The following PCDHA5 variants were observed in gnomAD, a reference collection of about 807,000 sequenced individuals.
PCDHA5 encodes protocadherin alpha-5.
In PCDHA5, 43 loss-of-function variants were observed where a neutral mutation model predicts 61.6. The observed-to-expected ratio is 0.70, with a 90% CI of 0.55 to 0.90. The LOEUF (loss-of-function observed/expected upper bound fraction) is 0.90. PCDHA5 is among the 40% of genes least tolerant of loss of function. The pLI is 0.00. For synonymous variants in PCDHA5, 627 were observed against 543.9 expected (o/e 1.15, Z -2.13); for missense variants, 1,298 against 1,222.7 (o/e 1.06, Z -0.92).
At chr5:140,835,924 GC>G (rs1243160712) in intron 1 of PCDHA5, 2 of 1,612,294 alleles carry the variant, frequency 1.2e-6, no homozygotes, top group Non-Finnish European at 1.7e-6. Flanking sequence ...CACGCGGAGA[GC>G]GGCAAGGTGT....
chr5:140,832,432 T>C (rs1554133529), intron 1 of PCDHA5, among the ~76,000 whole-genome samples: 1 of 152,236 alleles, frequency 6.6e-6, no homozygotes, highest in Non-Finnish European at 1.5e-5. Flanking sequence ...TACATGATAA[T>C]TTTTAAGCGT....
chr5:140,989,949 G>A (rs551733184), intron 3 of PCDHA5, among the ~76,000 whole-genome samples: 3 of 152,064 alleles, frequency 2.0e-5, no homozygotes, highest in South Asian at 2.1e-4. Context: ...CGTTTTTCTC[G>A]GTGAGACCAA....
intron 1 of PCDHA5, chr5:140,857,033 A>G (rs1303154996): frequency 4.4e-6 from 7 of 1,595,572 alleles, no homozygotes; most frequent in South Asian, 1.1e-5. Flanking sequence ...AAACCCACCT[A>G]TGGTTGGTCA....
At chr5:141,005,939 C>A (rs1183397075) in intron 3 of PCDHA5, among the ~76,000 whole-genome samples, 2 of 151,786 alleles carry the variant, frequency 1.3e-5, no homozygotes, top group Non-Finnish European at 2.9e-5. Flanking sequence ...AGAGTGAGAA[C>A]CTATCTCTAA....
chr5:140,841,813 T>C (rs2150323306), intron 1 of PCDHA5: 1 of 1,613,920 alleles, frequency 6.2e-7, no homozygotes, highest in Non-Finnish European at 8.5e-7. Context: ...ATGTTGGAGC[T>C]AACTCCGTGT....
At chr5:140,901,942 T>C (rs1307043698) in intron 1 of PCDHA5, among the ~76,000 whole-genome samples, 4 of 152,128 alleles carry the variant, frequency 2.6e-5, no homozygotes, top group Non-Finnish European at 5.9e-5. Flanking sequence ...TAGGTATATT[T>C]AGTTTTATTC....
chr5:140,842,566 C>G (rs782225990), intron 1 of PCDHA5: 19 of 1,503,446 alleles, frequency 1.3e-5, no homozygotes, highest in Non-Finnish European at 1.4e-5. Context: ...CCCTGGACCG[C>G]GAGAGAGTGT....
At chr5:140,882,259 G>A (rs1554173247) in intron 1 of PCDHA5, 1 of 1,603,126 alleles carries the variant, frequency 6.2e-7, no homozygotes, top group Non-Finnish European at 8.5e-7. Flanking sequence ...TGAGGTTTTT[G>A]GAGTGTACCA....
rs2150350552 is a variant in PCDHA5 at position 140,843,029 on chromosome 5, G to A, written c.2352+18902G>A. ...CGCGCCGGCACTGCTGGAGCCTCGG[G>A]TGGGTGGCACTGGTGGCGCAGCGAG... On this transcript the variant is annotated intron_variant, in intron 1 of 3. Coordinates refer to ENST00000529859, the MANE Select transcript of PCDHA5 (RefSeq NM_018908.3). 4.4e-6 allele frequency: 7 copies of A among 1,595,258 alleles called. 1 individual carries two copies. Among genetic ancestry groups the A allele is most frequent in the Middle Eastern group, 1.7e-4 (1 of 5,902 alleles).
At chr5:140,872,910 T>C (rs2053978401) in intron 1 of PCDHA5, among the ~76,000 whole-genome samples, 2 of 152,232 alleles carry the variant, frequency 1.3e-5, no homozygotes, top group African/African-American at 4.8e-5. Context: ...CTCTATCTTG[T>C]AATGCCTTAT....
chr5:140,884,113 G>A, intron 1 of PCDHA5: 2 of 1,613,388 alleles, frequency 1.2e-6, no homozygotes, highest in Non-Finnish European at 1.7e-6. Context: ...AGCTGGCGGC[G>A]GTCGGCGCGC....
intron 1 of PCDHA5, chr5:140,926,750 G>C (rs2083528007): frequency 8.0e-7 from 1 of 1,256,516 alleles, no homozygotes; most frequent in Non-Finnish European, 1.0e-6. Flanking sequence ...AACGTCGGCG[G>C]TCGCTGAGTA....
rs946669637 is a variant in PCDHA5, at chr5:140,923,020, G to C, written c.2353-55929G>C. On this transcript the variant is annotated intron_variant, in intron 1 of 3. Coordinates refer to ENST00000529859, the MANE Select transcript of PCDHA5 (RefSeq NM_018908.3). ...AGAATGGTTGTTGGACTGCAGTTTCGGACTCTATTACTACATGTATAGTAT... is the reference window on the plus strand; with the variant it reads ...AGAATGGTTGTTGGACTGCAGTTTCCGACTCTATTACTACATGTATAGTAT... Among the ~76,000 whole-genome samples the C allele has an allele frequency of 2.0e-5, 3 of 152,230 alleles. No homozygotes were observed. The East Asian group carries it at 5.8e-4, about 29-fold the overall frequency.
intron 1 of PCDHA5, chr5:140,866,014 C>A (rs187025106): frequency 1.3e-5 from 2 of 152,026 alleles, no homozygotes; most frequent in East Asian, 3.9e-4. Flanking sequence ...TGATTTTTTT[C>A]TTGTAAGAGT....
rs2150128918 is a variant in PCDHA5, at chr5:140,823,764, A to G, written c.1989A>G (p.Thr663=). ...HGEPPLTATA[T]VLVSLVESGQ... ...AGCCCCCGCTGACAGCCACAGCCACAGTGCTGGTGTCGCTGGTGGAAAGTG... is the reference window on the plus strand; with the variant it reads ...AGCCCCCGCTGACAGCCACAGCCACGGTGCTGGTGTCGCTGGTGGAAAGTG... Residue 663 remains threonine (T), a synonymous_variant, in exon 1 of 4, where the codon ACA becomes ACG. Coordinates refer to ENST00000529859, the MANE Select transcript of PCDHA5 (RefSeq NM_018908.3). The G allele has an allele frequency of 6.2e-7, 1 of 1,613,830 alleles. No homozygotes were observed. The highest frequency in any genetic ancestry group is 8.5e-7 in the Non-Finnish European group (1 of 1,179,910).
In PCDHA5 at chr5:140,884,542, G is replaced by T. The variant is rs1554181706; in HGVS notation, c.2352+60415G>T. 1.9e-6 allele frequency: 3 copies of T among 1,614,126 alleles called. No individual in the cohort carries two copies. In the Admixed American group the frequency reaches 5.0e-5, roughly 27 times the overall value. ...ACTCGCAGCAGAGGCGGCCGAGGGT[G>T]TGCTCTGGGGAGGGCCCGCATAAGA... On this transcript the variant is annotated intron_variant, in intron 1 of 3. Transcript: ENST00000529859.
At chr5:140,861,440 C>T (rs575320775) in intron 1 of PCDHA5, 3 of 493,406 alleles carry the variant, frequency 6.1e-6, no homozygotes, top group South Asian at 4.7e-5. Context: ...ATTCCAAAAG[C>T]CGCAGAAACC....
At chr5:140,824,163 C>G in intron 1 of PCDHA5, 36 bp downstream of exon 1, 1 of 1,610,816 alleles carries the variant, frequency 6.2e-7, no homozygotes, top group South Asian at 1.1e-5. Context: ...TCTTTCCCTC[C>G]CAATTTTCAA....
At chr5:140,926,925 G>A (rs1554203816) in intron 1 of PCDHA5, 1 of 1,574,118 alleles carries the variant, frequency 6.4e-7, no homozygotes, top group Admixed American at 1.8e-5. Flanking sequence ...TTTTATGTTT[G>A]TGGGTTTCCT....
Sources: gnomAD v4.1 joint callset for allele counts (sites outside exome capture counted in the v4.1 genomes callset) on GRCh38, gnomAD v4.1.1 for gene constraint, MANE v1.5 for transcripts, NCBI Gene and HGNC (gene_info 2026-07-23, HGNC 2026-07-21) for gene names.